The following FCHO2 variants were observed in gnomAD, a reference collection of about 807,000 sequenced individuals.
The protein encoded by FCHO2 is F-BAR domain only protein 2.
Under a neutral mutation model 114.1 loss-of-function variants are expected in FCHO2, and 43 were observed. The observed-to-expected ratio is 0.38, with a 90% CI of 0.30 to 0.49. The LOEUF is 0.49. FCHO2 is among the 20% of genes least tolerant of loss of function. The probability of loss-of-function intolerance (pLI) is 0.97; values close to 1 mark genes in which losing one functional copy is unlikely to be tolerated. For missense variants in FCHO2, 807 were observed against 950.4 expected (o/e 0.85, Z 1.98); for synonymous variants, 293 against 315.2 (o/e 0.93, Z 0.75).
At chr5:73,027,470 T>G (rs1756001396) in intron 8 of FCHO2, among the ~76,000 whole-genome samples, 1 of 152,050 alleles carries the variant, frequency 6.6e-6, no homozygotes, top group African/African-American at 2.4e-5. Flanking sequence ...TTGTGTCAAA[T>G]ACAAGAAACG....
At chr5:73,023,350 C>T (rs769102643) in intron 8 of FCHO2, among the ~76,000 whole-genome samples, 1 of 152,242 alleles carries the variant, frequency 6.6e-6, no homozygotes, top group East Asian at 1.9e-4. Context: ...ATAAAAGTTA[C>T]ATAATTCGGT....
intron 1 of FCHO2, among the ~76,000 whole-genome samples, chr5:72,960,575 TG>T (rs1270925350): frequency 6.6e-6 from 1 of 152,196 alleles, no homozygotes; most frequent in African/African-American, 2.4e-5. Flanking sequence ...AAAAAGATAT[TG>T]ATCAGTATTA....
At chr5:73,043,065 A>T (rs765054497) in intron 11 of FCHO2, among the ~76,000 whole-genome samples, 13 of 152,066 alleles carry the variant, frequency 8.5e-5, no homozygotes, top group Non-Finnish European at 1.3e-4. Context: ...TGTAGCTGGG[A>T]CTACAGGCAC....
intron 22 of FCHO2, among the ~76,000 whole-genome samples, chr5:73,080,272 A>C (rs1743048214): frequency 6.6e-6 from 1 of 152,232 alleles, no homozygotes; most frequent in Non-Finnish European, 1.5e-5. Flanking sequence ...AGATTTACAA[A>C]AATGAAAGTT....
chr5:72,973,176 G>A (rs1223458634), intron 2 of FCHO2, among the ~76,000 whole-genome samples: 16 of 152,082 alleles, frequency 1.1e-4, no homozygotes, highest in Non-Finnish European at 1.5e-4. Flanking sequence ...TTTTGGTTGT[G>A]TCTCTGCCCA....
At chr5:73,020,851 A>G in intron 8 of FCHO2, 2 of 954,430 alleles carry the variant, frequency 2.1e-6, no homozygotes, top group Non-Finnish European at 3.5e-6. Flanking sequence ...TGAGATATTT[A>G]CTCTGACCAT....
intron 6 of FCHO2, among the ~76,000 whole-genome samples, chr5:73,011,925 A>C (rs1297055836): frequency 6.6e-6 from 1 of 151,948 alleles, no homozygotes; most frequent in Non-Finnish European, 1.5e-5. Context: ...AAAAAAAAAA[A>C]GTATCGCCTA....
At chr5:72,956,532 G>T (rs1001652266) in intron 1 of FCHO2, among the ~76,000 whole-genome samples, 9 of 152,036 alleles carry the variant, frequency 5.9e-5, no homozygotes, top group Non-Finnish European at 1.2e-4. Context: ...CTGGCTGGGA[G>T]CGCCGGGCGG....
At chr5:73,057,871 A>G (rs1286245684) in intron 16 of FCHO2, among the ~76,000 whole-genome samples, 1 of 152,140 alleles carries the variant, frequency 6.6e-6, no homozygotes, top group Non-Finnish European at 1.5e-5. Context: ...GGCATGATGA[A>G]TGGGAATTAA....
chr5:72,990,027 T>A (rs1340507280), intron 3 of FCHO2, among the ~76,000 whole-genome samples: 2 of 151,938 alleles, frequency 1.3e-5, no homozygotes, highest in Non-Finnish European at 2.9e-5. Flanking sequence ...GCCATAACAA[T>A]TATGGAAAGA....
At chr5:73,083,640 C>T (rs1284343029) in intron 24 of FCHO2, among the ~76,000 whole-genome samples, 1 of 152,072 alleles carries the variant, frequency 6.6e-6, no homozygotes, top group Admixed American at 6.5e-5. Flanking sequence ...GCTTGTAATC[C>T]CAGCACTTTG....
chr5:73,005,313 C>T (rs1037872226), intron 5 of FCHO2, among the ~76,000 whole-genome samples: 2 of 152,124 alleles, frequency 1.3e-5, no homozygotes, highest in African/African-American at 4.8e-5. Flanking sequence ...TACTGATCGG[C>T]TTTAAACAAA....
At chr5:73,021,293 C>T (rs1476754816) in intron 8 of FCHO2, 3 of 496,152 alleles carry the variant, frequency 6.0e-6, no homozygotes, top group Non-Finnish European at 1.1e-5. Context: ...CACTGGGGAG[C>T]TCCTATGGGT....
intron 11 of FCHO2, among the ~76,000 whole-genome samples, chr5:73,049,924 A>G (rs936200327): frequency 1.3e-5 from 2 of 152,162 alleles, no homozygotes; most frequent in Non-Finnish European, 2.9e-5. Context: ...AAATACCATC[A>G]TGGTCTCTCA....
chr5:73,065,014 T>C (rs1048412141), intron 18 of FCHO2, among the ~76,000 whole-genome samples: 1 of 152,000 alleles, frequency 6.6e-6, no homozygotes, highest in African/African-American at 2.4e-5. Context: ...TTCGTCAGTC[T>C]CATATCCTCA....
rs144746390 is a variant in FCHO2, at chr5:73,019,784, C to G, written c.796+2476C>G. On this transcript the variant is annotated intron_variant, in intron 8 of 25. Transcript: ENST00000430046. ...AAAGTCCCCAGGCATATTGCCAGAG[C>G]AGTCATTCTGGTGGTAACGGTGTCC... Among the ~76,000 whole-genome samples the G allele has an allele frequency of 4.6e-5, 7 of 152,290 alleles. No individual in the cohort carries two copies. In the East Asian group the frequency reaches 1.4e-3, roughly 29 times the overall value.
At chr5:73,024,803 C>G (rs902721089) in intron 8 of FCHO2, among the ~76,000 whole-genome samples, 3 of 152,168 alleles carry the variant, frequency 2.0e-5, no homozygotes, top group African/African-American at 7.2e-5. Flanking sequence ...GTAACTGCCT[C>G]ATGGGGCTGT....
At chr5:73,052,636 A>C (rs1757392867) in intron 13 of FCHO2, 129 bp downstream of exon 13, 1 of 755,442 alleles carries the variant, frequency 1.3e-6, no homozygotes, top group African/African-American at 1.8e-5. Flanking sequence ...TATAATTTTT[A>C]TACAGGGAAA....
chr5:72,959,324 C>G (rs1207548606), intron 1 of FCHO2, among the ~76,000 whole-genome samples: 1 of 151,876 alleles, frequency 6.6e-6, no homozygotes, highest in Admixed American at 6.6e-5. Flanking sequence ...CTGGGCAACA[C>G]AGTAGACCTT....
Sources: gnomAD v4.1 joint callset for allele counts (sites outside exome capture counted in the v4.1 genomes callset) on GRCh38, gnomAD v4.1.1 for gene constraint, MANE v1.5 for transcripts, NCBI Gene and HGNC (gene_info 2026-07-23, HGNC 2026-07-21) for gene names.